Variants in ERMP1 observed in about 807,000 individuals in gnomAD.
ERMP1 encodes Felix-ina.
In ERMP1, 86 loss-of-function variants were observed where a neutral mutation model predicts 92.0. The ratio of observed to expected loss-of-function variants is 0.93; its 90% confidence interval spans 0.79 to 1.12. ERMP1 has a LOEUF of 1.12. ERMP1 is among the 50% of genes most tolerant of loss of function. The pLI is 0.00. For missense variants in ERMP1, 1,342 were observed against 1,116.3 expected, an observed-to-expected ratio of 1.20 and a Z score of -2.88; for synonymous variants, 530 against 412.8, an observed-to-expected ratio of 1.28 and a Z score of -3.44.
rs371464806 is a variant in ERMP1 at position 5,794,213 on chromosome 9, A to C, written c.2386+3604T>G. Among the ~76,000 whole-genome samples the C allele has an allele frequency of 1.2e-3, 187 of 152,252 alleles. 1 individual carries two copies. Among genetic ancestry groups the C allele is most frequent in the African/African-American group, 4.2e-3 (174 of 41,590 alleles). ...ACAAATGGGTCAAAAAAGAAGTCTC[A>C]AGAAAAAATTTTTAAATACTTGAAA... On this transcript the variant is annotated intron_variant, in intron 13 of 14. Transcript: ENST00000339450.
At chr9:5,854,163 C>T (rs1472371097) in intron 6 of ERMP1, among the ~76,000 whole-genome samples, 1 of 151,766 alleles carries the variant, frequency 6.6e-6, no homozygotes, top group Non-Finnish European at 1.5e-5. Context: ...TGAAGTTTTA[C>T]TGGGGATCTG....
chr9:5,848,501 C>G (rs1332179199), intron 6 of ERMP1, among the ~76,000 whole-genome samples: 1 of 152,106 alleles, frequency 6.6e-6, no homozygotes, highest in African/African-American at 2.4e-5. Context: ...CTTAGAGCAG[C>G]CATAGGAAGC....
intron 6 of ERMP1, among the ~76,000 whole-genome samples, chr9:5,841,354 G>C (rs999798964): frequency 6.6e-6 from 1 of 152,344 alleles, no homozygotes; most frequent in South Asian, 2.1e-4. Flanking sequence ...GACACAGCAG[G>C]TCACATATTA....
At chr9:5,809,192 T>C (rs2131234285) in intron 8 of ERMP1, among the ~76,000 whole-genome samples, 1 of 152,030 alleles carries the variant, frequency 6.6e-6, no homozygotes, top group Admixed American at 6.6e-5. Flanking sequence ...GGCTAATTTT[T>C]TGTATTTTTA....
At chr9:5,859,615 T>C (rs913371061) in intron 5 of ERMP1, among the ~76,000 whole-genome samples, 13 of 152,178 alleles carry the variant, frequency 8.5e-5, no homozygotes, top group African/African-American at 3.1e-4. Flanking sequence ...ACAATGCCTG[T>C]CATGGGTGAG....
chr9:5,817,833 T>C (rs1406000075), intron 4 of ERMP1, among the ~76,000 whole-genome samples: 1 of 151,940 alleles, frequency 6.6e-6, no homozygotes, highest in Non-Finnish European at 1.5e-5. Context: ...CAATCTCTAG[T>C]TACGGCATCA....
At chr9:5,848,825 T>C (rs1479321202) in intron 6 of ERMP1, among the ~76,000 whole-genome samples, 1 of 152,130 alleles carries the variant, frequency 6.6e-6, no homozygotes, top group Admixed American at 6.5e-5. Context: ...AATATCACCT[T>C]TCTAAAAGAG....
At chr9:5,852,411 G>T (rs1299007849) in intron 6 of ERMP1, among the ~76,000 whole-genome samples, 1 of 151,744 alleles carries the variant, frequency 6.6e-6, no homozygotes, top group East Asian at 1.9e-4. Context: ...TACAGGCATT[G>T]CCACCAGCTA....
At chr9:5,797,031 C>A (rs1301050623) in intron 13 of ERMP1, among the ~76,000 whole-genome samples, 1 of 150,376 alleles carries the variant, frequency 6.6e-6, no homozygotes, top group African/African-American at 2.4e-5. Flanking sequence ...TAACATTGCT[C>A]CAAAAAATAA....
intron 6 of ERMP1, chr9:5,856,241 G>T: frequency 3.5e-6 from 1 of 285,766 alleles, no homozygotes; most frequent in South Asian, 3.8e-5. Flanking sequence ...ACACCATTAG[G>T]TGTGTGATCA....
chr9:5,832,153 G>C (rs937226664), intron 1 of ERMP1, among the ~76,000 whole-genome samples: 2 of 152,044 alleles, frequency 1.3e-5, no homozygotes, highest in Non-Finnish European at 1.5e-5. Flanking sequence ...AAACTGCAGG[G>C]ATCTGAGAAT....
Position 5,805,653 on chromosome 9 carries a change from A to G in ERMP1, c.1681T>C (p.Leu561=). Residue 561 remains leucine (L), a synonymous_variant, in exon 9 of 15, where the codon TTG becomes CTG. Transcript: ENST00000339450. ...FISAVWVAFP[L]LTKLCVHKDF... ...TTATGCACACAGAGCTTTGTGAGCA[A>G]TGGGAATGCTACCCAGACAGCACTA... 1 of 1,609,548 alleles carries G rather than the reference A, an allele frequency of 6.2e-7. No individual in the cohort carries two copies. Among genetic ancestry groups the G allele is most frequent in the Non-Finnish European group, 8.5e-7 (1 of 1,178,490 alleles).
intron 5 of ERMP1, among the ~76,000 whole-genome samples, chr9:5,866,857 A>C (rs867868148): frequency 6.6e-6 from 1 of 152,152 alleles, no homozygotes; most frequent in Non-Finnish European, 1.5e-5. Context: ...GGCAAGTTAC[A>C]CAAGCTCCCT....
intron 5 of ERMP1, among the ~76,000 whole-genome samples, chr9:5,861,983 T>C (rs1239255846): frequency 6.6e-6 from 1 of 152,072 alleles, no homozygotes; most frequent in African/African-American, 2.4e-5. Context: ...TTAAAGTTTT[T>C]TAAAAAATCA....
chr9:5,843,908 G>T (rs752715213), intron 6 of ERMP1, among the ~76,000 whole-genome samples: 2 of 152,096 alleles, frequency 1.3e-5, no homozygotes, highest in Admixed American at 6.5e-5. Flanking sequence ...TGTGTGTCCT[G>T]GGGGGAGGAA....
intron 6 of ERMP1, among the ~76,000 whole-genome samples, 185 bp from the exon 7 acceptor site, chr9:5,811,508 T>TA (rs1312111137): frequency 6.6e-6 from 1 of 152,102 alleles, no homozygotes; most frequent in Non-Finnish European, 1.5e-5. Context: ...TCTCCCTCAC[T>TA]TTTTTTACTA....
At chr9:5,859,601 G>C (rs1290753577) in exon 6 of ERMP1, among the ~76,000 whole-genome samples, 12 of 152,192 alleles carry the variant, frequency 7.9e-5, no homozygotes, top group Non-Finnish European at 1.5e-4. Flanking sequence ...CCTGTGATCA[G>C]TTGACAATGC....
chr9:5,849,742 T>C (rs1230706469), intron 6 of ERMP1, among the ~76,000 whole-genome samples: 1 of 152,256 alleles, frequency 6.6e-6, no homozygotes, highest in Admixed American at 6.5e-5. Flanking sequence ...TACTCTGTTC[T>C]AGCACACTTT....
At chr9:5,866,777 G>A (rs1220862798) in intron 5 of ERMP1, among the ~76,000 whole-genome samples, 2 of 152,162 alleles carry the variant, frequency 1.3e-5, no homozygotes, top group African/African-American at 4.8e-5. Flanking sequence ...GAGAGGGTGG[G>A]GATGGGCAAA....
Sources: allele counts gnomAD v4.1 joint callset (sites outside exome capture counted in the v4.1 genomes callset), GRCh38; gene constraint gnomAD v4.1.1; transcripts MANE v1.5; gene names NCBI Gene and HGNC (gene_info 2026-07-23, HGNC 2026-07-21).